ASH2L: variants seen among roughly 807,000 people sequenced by gnomAD.
ASH2L encodes the protein ASH2 like, histone lysine methyltransferase complex subunit.
A neutral mutation model predicts 81.1 loss-of-function variants in ASH2L; 30 were observed. The ratio of observed to expected loss-of-function variants is 0.37; its 90% confidence interval spans 0.28 to 0.50. ASH2L has a LOEUF of 0.50. Among genes scored for constraint, ASH2L ranks in the 20% least tolerant of loss-of-function variants. The pLI is 0.95. For synonymous variants in ASH2L, 273 were observed against 279.9 expected (o/e 0.98, Z 0.24); for missense variants, 559 against 792.1 (o/e 0.71, Z 3.53).
At chr8:38,120,359 A>C (rs1315285602) in intron 9 of ASH2L, among the ~76,000 whole-genome samples, 1 of 152,006 alleles carries the variant, frequency 6.6e-6, no homozygotes, top group Non-Finnish European at 1.5e-5. Context: ...CTCCCTTCTC[A>C]TGCCTTTTCC....
intron 12 of ASH2L, 89 bp downstream of exon 12, chr8:38,129,040 T>C: frequency 6.6e-7 from 1 of 1,510,784 alleles, no homozygotes; most frequent in Non-Finnish European, 8.8e-7. Flanking sequence ...TCTTAGGAAC[T>C]GAGCCACAGC....
chr8:38,137,546 G>C (rs1802313855), intron 14 of ASH2L: 1 of 152,040 alleles, frequency 6.6e-6, no homozygotes, highest in South Asian at 2.1e-4. Context: ...CTGGGCAACA[G>C]AGCGAGACTC....
chr8:38,131,888 C>T (rs1802073344), intron 12 of ASH2L, among the ~76,000 whole-genome samples: 1 of 151,474 alleles, frequency 6.6e-6, no homozygotes, highest in Admixed American at 6.6e-5. Context: ...ATTCTGTCGC[C>T]CAGGCTGGAG....
intron 10 of ASH2L, chr8:38,122,532 G>T (rs1342193819): frequency 1.3e-5 from 2 of 151,976 alleles, no homozygotes; most frequent in African/African-American, 4.8e-5. Flanking sequence ...CTAGGTGTTA[G>T]GTGTGCTGTT....
At chr8:38,109,206 ATAAC>A (rs751901257) in intron 3 of ASH2L, among the ~76,000 whole-genome samples, 2 of 152,260 alleles carry the variant, frequency 1.3e-5, no homozygotes, top group Non-Finnish European at 2.9e-5. Context: ...TTAAATTAAA[ATAAC>A]TATTTACCTA....
At chr8:38,106,665 A>T (rs1810447545) in intron 2 of ASH2L, among the ~76,000 whole-genome samples, 1 of 149,948 alleles carries the variant, frequency 6.7e-6, no homozygotes. Context: ...CTGCCAACAC[A>T]CCTGGCTTCT....
chr8:38,132,786 G>A (rs188513590), intron 12 of ASH2L, among the ~76,000 whole-genome samples: 2 of 141,948 alleles, frequency 1.4e-5, no homozygotes, highest in Non-Finnish European at 3.0e-5. Flanking sequence ...GTGACAGAGT[G>A]AGACTGTCTC....
intron 10 of ASH2L, among the ~76,000 whole-genome samples, chr8:38,122,219 A>G (rs1277989139): frequency 6.6e-6 from 1 of 151,976 alleles, no homozygotes; most frequent in Non-Finnish European, 1.5e-5. Flanking sequence ...TGTTCTTTCG[A>G]TAAGCCGTGT....
Position 38,107,076 on chromosome 8 carries a change from A to G in ASH2L, c.311A>G (p.Glu104Gly), listed in dbSNP as rs1585561004. The change falls in exon 3 of 16, where the codon GAA (glutamate) becomes GGA (glycine). Residue 104 changes from glutamate (E) to glycine (G), a missense_variant. Transcript: ENST00000343823. ...GATACTCAGGCGGGCTCCGTGGATGAAGAGAATGGCCGACAGTTGGGTGAG... is the reference window on the plus strand; with the variant it reads ...GATACTCAGGCGGGCTCCGTGGATGGAGAGAATGGCCGACAGTTGGGTGAG... ...VMDTQAGSVD[E>G]ENGRQLGEVE... 6.2e-7 allele frequency: 1 copy of G among 1,614,148 alleles called. No individual in the cohort carries two copies. The highest frequency in any genetic ancestry group is 8.5e-7 in the Non-Finnish European group (1 of 1,179,992).
intron 13 of ASH2L, 75 bp from the exon 14 acceptor site, chr8:38,135,593 A>G (rs1802218513): frequency 9.1e-7 from 1 of 1,098,590 alleles, no homozygotes; most frequent in Non-Finnish European, 1.3e-6. Flanking sequence ...CACTTCTAAC[A>G]TATTTTCCTA....
At chr8:38,136,103 T>C (rs911286607) in intron 14 of ASH2L, among the ~76,000 whole-genome samples, 3 of 96,272 alleles carry the variant, frequency 3.1e-5, no homozygotes, top group African/African-American at 5.2e-5. Context: ...CTTACAATGA[T>C]TTTTTTTTTT....
chr8:38,127,275 G>A (rs1801888177), intron 10 of ASH2L, among the ~76,000 whole-genome samples: 1 of 151,394 alleles, frequency 6.6e-6, no homozygotes, highest in African/African-American at 2.4e-5. Context: ...CAAGGCTATG[G>A]TGAGCTGTGG....
chr8:38,106,441 A>G lies in ASH2L; in HGVS notation c.252A>G (p.Thr84=). ...LETESSNGKD[T]LEGAGDTSEV... The stretch of plus-strand genomic sequence containing the variant: ...CAGAATCATCTAATGGAAAAGATAC[A>G]CTAGTAAGTATTTTTAGTTGTTTGC... The change falls in exon 2 of 16, where the codon ACA becomes ACG. Residue 84 remains threonine (T), a synonymous_variant. Transcript: ENST00000343823. 2 of 1,611,552 alleles carry G rather than the reference A, an allele frequency of 1.2e-6. No individual in the cohort carries two copies. Among genetic ancestry groups the G allele is most frequent in the Non-Finnish European group, 1.7e-6 (2 of 1,178,274 alleles).
chr8:38,128,201 A>C, intron 10 of ASH2L, 90 bp from the exon 11 acceptor site: 1 of 1,478,494 alleles, frequency 6.8e-7, no homozygotes, highest in South Asian at 1.2e-5. Flanking sequence ...GTGATTTTTA[A>C]ATTGTTTTAT....
At chr8:38,138,939 G>A (rs751124402) in intron 15 of ASH2L, 25 bp from the exon 16 acceptor site, 12 of 1,613,662 alleles carry the variant, frequency 7.4e-6, no homozygotes, top group Non-Finnish European at 6.8e-6. Flanking sequence ...TAGTCACCGT[G>A]TTCTGTTTCT....
At chr8:38,135,611 C>CT in intron 13 of ASH2L, 57 bp from the exon 14 acceptor site, 1 of 1,339,098 alleles carries the variant, frequency 7.5e-7, no homozygotes, top group Non-Finnish European at 1.1e-6. Context: ...CTAGAGAGTT[C>CT]TTTTTTTGTT....
intron 3 of ASH2L, among the ~76,000 whole-genome samples, 196 bp from the exon 4 acceptor site, chr8:38,110,183 G>A (rs1199998453): frequency 6.6e-6 from 1 of 152,194 alleles, no homozygotes; most frequent in Admixed American, 6.5e-5. Context: ...GGTGGCTAAT[G>A]CCTATAGTCC....
intron 13 of ASH2L, among the ~76,000 whole-genome samples, 157 bp from the exon 14 acceptor site, chr8:38,135,510 TA>T (rs1401135297): frequency 6.6e-6 from 1 of 152,122 alleles, no homozygotes; most frequent in East Asian, 1.9e-4. Context: ...GAAAGTATTA[TA>T]AAAATTGAAG....
rs1190553511 is a variant in ASH2L, at chr8:38,105,688, G to A, written c.138G>A (p.Gly46=). The change falls in exon 1 of 16, where the codon GGG becomes GGA. Residue 46 remains glycine (G), a synonymous_variant. Coordinates refer to ENST00000343823, the MANE Select transcript of ASH2L (RefSeq NM_004674.5). ...GAGCAGCCGCTCCTCCTGGAGAGGG[G>A]ATCTCTGCTGCTCCGACAGTTGAGC... ...AAGAAAPPGE[G]ISAAPTVEPS... 6.3e-7 allele frequency: 1 copy of A among 1,581,264 alleles called. No homozygotes were observed. Among genetic ancestry groups the A allele is most frequent in the South Asian group, 1.1e-5 (1 of 87,306 alleles).
Sources: gnomAD v4.1 joint callset for allele counts (sites outside exome capture counted in the v4.1 genomes callset) on GRCh38, gnomAD v4.1.1 for gene constraint, MANE v1.5 for transcripts, NCBI Gene and HGNC (gene_info 2026-07-23, HGNC 2026-07-21) for gene names.